SORCS1: variants seen among roughly 807,000 people sequenced by gnomAD.
SORCS1 encodes the protein sortilin related VPS10 domain containing receptor 1.
Under a neutral mutation model 146.1 loss-of-function variants are expected in SORCS1, and 60 were observed. The observed-to-expected ratio is 0.41, with a 90% confidence interval of 0.33 to 0.51. SORCS1 has a LOEUF of 0.51. Among genes scored for constraint, SORCS1 ranks in the 20% least tolerant of loss-of-function variants. The pLI is 0.21. For missense variants in SORCS1, 1,352 were observed against 1,487.6 expected (o/e 0.91, Z 1.50); for synonymous variants, 637 against 584.0 (o/e 1.09, Z -1.31).
chr10:106,626,863 G>A (rs1443129627), intron 19 of SORCS1, among the ~76,000 whole-genome samples: 3 of 152,218 alleles, frequency 2.0e-5, no homozygotes, highest in Admixed American at 1.3e-4. Flanking sequence ...GCCAGGCTTA[G>A]AAAGAAGTTC....
At chr10:106,972,042 GTTT>G (rs967162417) in intron 1 of SORCS1, among the ~76,000 whole-genome samples, 15 of 152,086 alleles carry the variant, frequency 9.9e-5, no homozygotes, top group Non-Finnish European at 1.5e-5. Context: ...CATTTAACCT[GTTT>G]TTATTATTAA....
chr10:106,630,321 T>A (rs1306707035), intron 18 of SORCS1, among the ~76,000 whole-genome samples: 2 of 152,218 alleles, frequency 1.3e-5, no homozygotes, highest in Admixed American at 1.3e-4. Flanking sequence ...CATGTTATTC[T>A]TCACAGATTC....
chr10:106,670,229 T>C (rs564325609), intron 16 of SORCS1, among the ~76,000 whole-genome samples: 2 of 152,346 alleles, frequency 1.3e-5, no homozygotes, highest in South Asian at 4.1e-4. Flanking sequence ...TTTGTAAGCC[T>C]TACCTGAACA....
chr10:106,858,728 G>A (rs191724157), intron 2 of SORCS1, among the ~76,000 whole-genome samples: 1 of 151,542 alleles, frequency 6.6e-6, no homozygotes, highest in Non-Finnish European at 1.5e-5. Context: ...GTTTATTTTT[G>A]AGTATAAAAG....
At chr10:107,097,175 C>G (rs1386702202) in intron 1 of SORCS1, among the ~76,000 whole-genome samples, 1 of 152,170 alleles carries the variant, frequency 6.6e-6, no homozygotes, top group African/African-American at 2.4e-5. Context: ...GAATAAAAAC[C>G]TCTGTGCTCA....
At chr10:106,942,328 T>C (rs146079513) in intron 2 of SORCS1, among the ~76,000 whole-genome samples, 434 of 152,296 alleles carry the variant, frequency 2.8e-3, no homozygotes, top group Middle Eastern at 0.01. Context: ...CTCTATTTGG[T>C]CAAGACCTCT....
chr10:106,986,682 T>TCTC (rs142247842), intron 1 of SORCS1, among the ~76,000 whole-genome samples: 33,763 of 151,984 alleles, frequency 0.22, 4,516 homozygotes, highest in Middle Eastern at 0.33. Flanking sequence ...ACTTATTCTT[T>TCTC]CTTTTTCCTC....
chr10:106,729,044 T>A (rs1856408541), intron 6 of SORCS1, among the ~76,000 whole-genome samples: 1 of 152,104 alleles, frequency 6.6e-6, no homozygotes, highest in African/African-American at 2.4e-5. Flanking sequence ...CCCCTGCAAA[T>A]GCTTAGCCCT....
chr10:106,599,207 A>C (rs566878304), intron 23 of SORCS1, among the ~76,000 whole-genome samples: 115 of 152,182 alleles, frequency 7.6e-4, no homozygotes, highest in African/African-American at 2.5e-3. Context: ...CTCTACTAAA[A>C]CTACAAAAAA....
intron 3 of SORCS1, among the ~76,000 whole-genome samples, chr10:106,786,956 T>C (rs1309029845): frequency 6.6e-6 from 1 of 152,188 alleles, no homozygotes; most frequent in Non-Finnish European, 1.5e-5. Flanking sequence ...GAAGACCAAG[T>C]GAATTGCATT....
At chr10:106,902,382 G>C (rs1331843935) in intron 2 of SORCS1, among the ~76,000 whole-genome samples, 1 of 151,904 alleles carries the variant, frequency 6.6e-6, no homozygotes, top group Non-Finnish European at 1.5e-5. Flanking sequence ...ATTTATAATA[G>C]CTAATTAAAA....
chr10:106,611,818 G>GTT, intron 22 of SORCS1, 93 bp downstream of exon 22: 1 of 1,030,588 alleles, frequency 9.7e-7, no homozygotes, highest in East Asian at 2.5e-5. Flanking sequence ...GGGTTAGTTT[G>GTT]TTTGTTTTTG....
At chr10:106,813,152 A>C (rs1277848349) in intron 3 of SORCS1, among the ~76,000 whole-genome samples, 1 of 48,316 alleles carries the variant, frequency 2.1e-5, no homozygotes, top group African/African-American at 8.2e-5. Context: ...TTTTTTTTTG[A>C]GATGGAGTCT....
chr10:107,095,474 C>T (rs985755666), intron 1 of SORCS1, among the ~76,000 whole-genome samples: 1 of 152,090 alleles, frequency 6.6e-6, no homozygotes, highest in African/African-American at 2.4e-5. Flanking sequence ...AGGAAAAAAG[C>T]CACTGAAAGT....
intron 17 of SORCS1, among the ~76,000 whole-genome samples, chr10:106,657,484 G>T (rs2135327308): frequency 6.6e-6 from 1 of 151,968 alleles, no homozygotes; most frequent in African/African-American, 2.4e-5. Flanking sequence ...GGGTGACAGA[G>T]AAAAAACTAC....
intron 6 of SORCS1, among the ~76,000 whole-genome samples, chr10:106,721,831 G>A (rs1044571589): frequency 1.3e-5 from 2 of 152,128 alleles, no homozygotes; most frequent in Non-Finnish European, 2.9e-5. Flanking sequence ...TATTCGCATT[G>A]TTTGAAATAA....
chr10:106,813,177 C>T (rs1239003217), intron 3 of SORCS1, among the ~76,000 whole-genome samples: 1 of 131,624 alleles, frequency 7.6e-6, no homozygotes, highest in Non-Finnish European at 1.5e-5. Flanking sequence ...CTGTCGCCCT[C>T]GCTGGAGTGC....
At chr10:106,637,876 A>G (rs1003020975) in intron 18 of SORCS1, among the ~76,000 whole-genome samples, 1 of 152,216 alleles carries the variant, frequency 6.6e-6, no homozygotes, top group African/African-American at 2.4e-5. Flanking sequence ...CTTCCTTTAG[A>G]AATGGATGAT....
At chr10:106,899,141 T>C (rs59869181) in intron 2 of SORCS1, among the ~76,000 whole-genome samples, 6,521 of 152,230 alleles carry the variant, frequency 0.043, 449 homozygotes, top group African/African-American at 0.15. Context: ...CCAAGCCATA[T>C]TTTTTTCTGT....
Sources: allele counts gnomAD v4.1 joint callset (sites outside exome capture counted in the v4.1 genomes callset), GRCh38; gene constraint gnomAD v4.1.1; transcripts MANE v1.5; gene names NCBI Gene and HGNC (gene_info 2026-07-23, HGNC 2026-07-21).